ARPP21: variants seen among roughly 807,000 people sequenced by gnomAD.
The protein encoded by ARPP21 is cAMP-regulated phosphoprotein 21.
A neutral mutation model predicts 113.2 loss-of-function variants in ARPP21; 69 were observed. The ratio of observed to expected loss-of-function variants is 0.61; its 90% CI spans 0.50 to 0.74. ARPP21 has a LOEUF of 0.74. Ranked by LOEUF, ARPP21 falls within the 30% of genes least tolerant of loss-of-function variation. ARPP21 has a pLI of 0.00. For missense variants in ARPP21, 1,070 were observed against 1,037.4 expected (o/e 1.03, Z -0.43); for synonymous variants, 368 against 375.5 (o/e 0.98, Z 0.23).
At chr3:35,757,879 A>G (rs1441015791) in intron 19 of ARPP21, among the ~76,000 whole-genome samples, 1 of 152,112 alleles carries the variant, frequency 6.6e-6, no homozygotes, top group Non-Finnish European at 1.5e-5. Context: ...AAAATTTTTT[A>G]AAGAAGTAAA....
chr3:35,644,466 A>C (rs182834645), intron 1 of ARPP21, among the ~76,000 whole-genome samples: 8 of 152,122 alleles, frequency 5.3e-5, no homozygotes, highest in Admixed American at 4.6e-4. Flanking sequence ...TGGTTCATTC[A>C]GCAGTTTTTA....
intron 4 of ARPP21, 149 bp from the exon 5 acceptor site, chr3:35,683,577 G>A (rs546293982): frequency 1.6e-6 from 1 of 636,648 alleles, no homozygotes; most frequent in East Asian, 2.7e-5. Context: ...AGCCAATGTA[G>A]ACAGTACTGA....
intron 1 of ARPP21, among the ~76,000 whole-genome samples, chr3:35,667,528 A>T (rs922119856): frequency 3.3e-5 from 5 of 152,116 alleles, no homozygotes; most frequent in African/African-American, 1.2e-4. Flanking sequence ...GAGAGGGTTA[A>T]GTCACTTTCA....
At chr3:35,727,925 T>G (rs550532588) in intron 14 of ARPP21, among the ~76,000 whole-genome samples, 3 of 152,094 alleles carry the variant, frequency 2.0e-5, no homozygotes, top group Non-Finnish European at 4.4e-5. Flanking sequence ...ACAGAAGAGA[T>G]TGTTAGATTC....
intron 19 of ARPP21, among the ~76,000 whole-genome samples, chr3:35,782,837 C>T (rs753758048): frequency 1.4e-4 from 21 of 152,164 alleles, no homozygotes; most frequent in Admixed American, 2.0e-4. Context: ...CCCTCTGGCT[C>T]TCTGCTCCTT....
At chr3:35,792,178 G>A in intron 19 of ARPP21, 1 of 567,992 alleles carries the variant, frequency 1.8e-6, no homozygotes, top group Non-Finnish European at 3.2e-6. Flanking sequence ...AAATGTCAGT[G>A]AATTTTTAAA....
chr3:35,667,962 A>G (rs73825897), intron 1 of ARPP21, among the ~76,000 whole-genome samples: 48 of 84,206 alleles, frequency 5.7e-4, no homozygotes, highest in African/African-American at 2.1e-3. Flanking sequence ...AAGAAGAAGA[A>G]GAAGAAGAAG....
intron 3 of ARPP21, 79 bp from the exon 4 acceptor site, chr3:35,682,769 T>G: frequency 1.5e-6 from 2 of 1,313,388 alleles, no homozygotes; most frequent in South Asian, 2.7e-5. Context: ...TTTCTTTCTC[T>G]CTCTCTCTCG....
intron 1 of ARPP21, chr3:35,650,056 A>T (rs890086275): frequency 1.3e-5 from 2 of 152,134 alleles, no homozygotes; most frequent in African/African-American, 2.4e-5. Context: ...TTATACCTTA[A>T]CTTAGAAGAG....
rs552837793 is a variant in ARPP21, at chr3:35,719,585, G to A, written c.996-2020G>A. Among the ~76,000 whole-genome samples, 6 of 152,210 alleles carry A rather than the reference G, an allele frequency of 3.9e-5. No individual in the cohort carries two copies. The South Asian group carries it at 1.0e-3, about 26-fold the overall frequency. On this transcript the variant is annotated intron_variant, in intron 13 of 20. Transcript: ENST00000684406. ...GGTGGCCACCTTCTTTACCTAAAAG[G>A]CACAGTCACACTGGCTTTTACAGAA... is the stretch of plus-strand genomic sequence containing the variant.
intron 19 of ARPP21, among the ~76,000 whole-genome samples, chr3:35,750,115 CTT>C (rs57509420): frequency 0.015 from 1,404 of 92,502 alleles, 26 homozygotes; most frequent in African/African-American, 0.052. Context: ...GTTTATTTCG[CTT>C]TTTTTTTTTT....
intron 14 of ARPP21, among the ~76,000 whole-genome samples, chr3:35,722,375 C>T (rs2093167390): frequency 6.6e-6 from 1 of 152,090 alleles, no homozygotes; most frequent in South Asian, 2.1e-4. Flanking sequence ...CCATTCTGTG[C>T]CTCTGTTTTC....
chr3:35,793,947 G>C lies in ARPP21; in HGVS notation c.2533G>C (p.Val845Leu). The change falls in exon 21 of 21, where the codon GTC (valine) becomes CTC (leucine). Residue 845 changes from valine to leucine, a missense_variant. Val to Leu is a conservative substitution (Grantham distance 32, BLOSUM62 1). Transcript: ENST00000684406. ...AAGTATGAGCAATGCTGGTTGGCAG[G>C]TCAAATTCTGAGAGCTCTGGCTGTG... ...CASMSNAGWQ[V>L]KF 6.2e-7 allele frequency: 1 copy of C among 1,613,418 alleles called. No homozygotes were observed. Among genetic ancestry groups the C allele is most frequent in the Non-Finnish European group, 8.5e-7 (1 of 1,179,508 alleles).
chr3:35,736,122 GT>G (rs904519703), intron 15 of ARPP21, among the ~76,000 whole-genome samples: 3 of 151,974 alleles, frequency 2.0e-5, no homozygotes, highest in African/African-American at 7.3e-5. Context: ...CTCACTTACT[GT>G]TTTTTTATAT....
At chr3:35,665,247 A>G (rs766154855) in intron 1 of ARPP21, among the ~76,000 whole-genome samples, 6 of 152,158 alleles carry the variant, frequency 3.9e-5, no homozygotes, top group Non-Finnish European at 7.4e-5. Flanking sequence ...GCCTTTATGT[A>G]GATAAATATA....
chr3:35,688,602 T>G (rs917563520), intron 6 of ARPP21, among the ~76,000 whole-genome samples: 1 of 151,488 alleles, frequency 6.6e-6, no homozygotes. Context: ...ACAAACAAAC[T>G]GGACAACTGG....
chr3:35,756,465 C>A (rs55934972), intron 19 of ARPP21, among the ~76,000 whole-genome samples: 1 of 151,916 alleles, frequency 6.6e-6, no homozygotes, highest in Non-Finnish European at 1.5e-5. Context: ...TCCAAAGCCA[C>A]GAAACCACCA....
chr3:35,687,692 G>A (rs780500132), intron 5 of ARPP21, 47 bp from the exon 6 acceptor site: 51 of 1,545,194 alleles, frequency 3.3e-5, no homozygotes, highest in Non-Finnish European at 4.0e-5. Flanking sequence ...GAGCCAGACA[G>A]AGATGATTAA....
chr3:35,731,715 A>C, intron 15 of ARPP21, among the ~76,000 whole-genome samples: 1 of 151,582 alleles, frequency 6.6e-6, no homozygotes, highest in Non-Finnish European at 1.5e-5. Flanking sequence ...TTACTGTTGA[A>C]GCTAAAGGTT....
Sources: gnomAD v4.1 joint callset for allele counts (sites outside exome capture counted in the v4.1 genomes callset) on GRCh38, gnomAD v4.1.1 for gene constraint, MANE v1.5 for transcripts, NCBI Gene and HGNC (gene_info 2026-07-23, HGNC 2026-07-21) for gene names.